BPIFB1: variants seen among roughly 807,000 people sequenced by gnomAD.
BPIFB1 encodes the protein BPI fold containing family B member 1, also known as BPI fold-containing family B member 1.
BPIFB1 carries 34 observed loss-of-function variants against 55.1 expected under a neutral mutation model. The ratio of observed to expected loss-of-function variants is 0.62; its 90% CI spans 0.47 to 0.82. The LOEUF is 0.82. Among genes scored for constraint, BPIFB1 ranks in the 40% least tolerant of loss-of-function variants. The pLI, the probability that BPIFB1 is intolerant of heterozygous loss-of-function variation, is 0.00. For missense variants in BPIFB1, 532 were observed against 593.1 expected, an observed-to-expected ratio of 0.90 and a Z score of 1.07; for synonymous variants, 236 against 245.3, an observed-to-expected ratio of 0.96 and a Z score of 0.35.
intron 3 of BPIFB1, among the ~76,000 whole-genome samples, chr20:33,289,155 T>G (rs1980368019): frequency 6.6e-6 from 1 of 151,818 alleles, no homozygotes; most frequent in African/African-American, 2.4e-5. Flanking sequence ...CCAAGGTGGG[T>G]GGATCACCTG....
At position 33,289,389 on chromosome 20, in the gene BPIFB1, A is replaced by AC. The variant is rs1491496619; in HGVS notation, c.258-496_258-495insC. On this transcript the variant is annotated intron_variant, in intron 3 of 15. Coordinates refer to ENST00000253354, the MANE Select transcript of BPIFB1 (RefSeq NM_033197.3). ...AGAGTGAGATTCTGTCTCAAAAAAA[A>AC]AAAAACAAAAAAAAAAAAACAACCC... Among the ~76,000 whole-genome samples, 27 of 149,332 alleles carry AC rather than the reference A, an allele frequency of 1.8e-4. 1 individual carries two copies. The East Asian group carries it at 2.9e-3, about 16-fold the overall frequency.
chr20:33,296,445 A>G (rs1199188793), intron 6 of BPIFB1, among the ~76,000 whole-genome samples: 4 of 152,210 alleles, frequency 2.6e-5, no homozygotes. Context: ...AATGTCCTCA[A>G]TAATCTTGGA....
chr20:33,288,689 C>A lies in BPIFB1; in HGVS notation c.116-52C>A, dbSNP rs372358506. On this transcript the variant is annotated intron_variant, in intron 2 of 15. Transcript: ENST00000253354. ...TCCCCAGCCTGGAGCTCCCACCAAGCCTTCCTTCTTGCCCCTCCTCCTGGG... is the reference window on the plus strand; with the variant it reads ...TCCCCAGCCTGGAGCTCCCACCAAGACTTCCTTCTTGCCCCTCCTCCTGGG... 6.2e-4 allele frequency: 983 copies of A among 1,592,266 alleles called. 1 individual carries two copies. The highest frequency in any genetic ancestry group is 7.7e-4 in the Non-Finnish European group (897 of 1,167,532).
Position 33,291,034 on chromosome 20 carries a change from G to T in BPIFB1, c.443G>T (p.Ser148Ile). ...ACCATCCGCATGGACACCAGTGCAA[G>T]TGGCCCCACCCGCCTGGTCCTCAGT... ...QATIRMDTSA[S>I]GPTRLVLSDC... Residue 148 changes from serine (S) to isoleucine (I), a missense_variant, in exon 5 of 16, where the codon AGT becomes ATT. Coordinates refer to ENST00000253354, the MANE Select transcript of BPIFB1 (RefSeq NM_033197.3). 1.2e-6 allele frequency: 2 copies of T among 1,613,886 alleles called. No homozygotes were observed. Among genetic ancestry groups the T allele is most frequent in the Non-Finnish European group, 1.7e-6 (2 of 1,180,036 alleles).
In BPIFB1 at chr20:33,309,849, A is replaced by C. The variant is rs1340540417; in HGVS notation, c.*82A>C. 4 of 1,298,244 alleles carry C rather than the reference A, an allele frequency of 3.1e-6. No individual in the cohort carries two copies. In the East Asian group the frequency reaches 9.3e-5, roughly 30 times the overall value. The allele number at this position is 1,298,244 out of a possible 1,614,324, so 80.4% of individuals were successfully genotyped here. On this transcript the variant is annotated 3_prime_UTR_variant, in exon 16 of 16. Coordinates refer to ENST00000253354, the MANE Select transcript of BPIFB1 (RefSeq NM_033197.3). This position sits in a 1 kb window ranked among gnomAD's most constrained non-coding sequence, Gnocchi z 4.4. ...AGCTCTATAGACCATCCCTCTCTGC[A>C]ATCAATAAACACTTGCCTGTGATGC...
At chr20:33,284,255 GT>G (rs1388635162) in intron 1 of BPIFB1, among the ~76,000 whole-genome samples, 1 of 152,208 alleles carries the variant, frequency 6.6e-6, no homozygotes, top group African/African-American at 2.4e-5. Context: ...AGAGCAAGTG[GT>G]AGAGGCAGGC....
intron 10 of BPIFB1, 30 bp downstream of exon 10, chr20:33,302,442 G>A: frequency 6.2e-7 from 1 of 1,613,302 alleles, no homozygotes; most frequent in Non-Finnish European, 8.5e-7. Context: ...GCAGCTTGAG[G>A]GGTGTTTGCT....
chr20:33,299,187 TCCGCTGCCCCGAGGACGGGCCCGG>T (rs774913028), intron 7 of BPIFB1: 2 of 456,592 alleles, frequency 4.4e-6, no homozygotes, highest in South Asian at 3.1e-5. Context: ...AGCTGGCTCC[TCCGCTGCCCCGAGGACGGGCCCGG>T]AGGTCTCCCT....
chr20:33,301,793 G>A (rs890123281), intron 9 of BPIFB1, among the ~76,000 whole-genome samples: 7 of 152,144 alleles, frequency 4.6e-5, no homozygotes, highest in African/African-American at 1.2e-4. Flanking sequence ...ATCACTAATC[G>A]ATCAAGGCTC....
At chr20:33,298,111 C>T (rs773043623) in intron 7 of BPIFB1, among the ~76,000 whole-genome samples, 4 of 152,196 alleles carry the variant, frequency 2.6e-5, no homozygotes, top group South Asian at 2.1e-4. Flanking sequence ...AGCCATCACA[C>T]GCAGCCCCCG....
Position 33,309,826 on chromosome 20 carries a change from C to A in BPIFB1, c.*59C>A. Reference sequence around the variant, plus strand: ...TCCCAGCTGGGAGTATGGGTGTGAGCTCTATAGACCATCCCTCTCTGCAAT... The same window carrying A: ...TCCCAGCTGGGAGTATGGGTGTGAGATCTATAGACCATCCCTCTCTGCAAT... On this transcript the variant is annotated 3_prime_UTR_variant, in exon 16 of 16. Transcript: ENST00000253354. The surrounding 1 kb of genome is among the most constrained non-coding windows in gnomAD (Gnocchi z 4.4). 7.0e-7 allele frequency: 1 copy of A among 1,426,050 alleles called. No homozygotes were observed. Among genetic ancestry groups the A allele is most frequent in the Non-Finnish European group, 9.9e-7 (1 of 1,010,996 alleles). 88.3% of individuals were successfully genotyped at this position (1,426,050 alleles called of 1,614,324 possible). A position where few individuals can be genotyped will look rare whatever the true frequency, so the allele number is the denominator to read the frequency against.
chr20:33,288,394 C>A (rs1277135804), intron 2 of BPIFB1, among the ~76,000 whole-genome samples: 1 of 152,210 alleles, frequency 6.6e-6, no homozygotes, highest in Non-Finnish European at 1.5e-5. Flanking sequence ...GGGTTCCCTG[C>A]CTGTTGGCCC....
chr20:33,294,906 G>A (rs1980585778), intron 6 of BPIFB1, among the ~76,000 whole-genome samples: 1 of 152,140 alleles, frequency 6.6e-6, no homozygotes, highest in African/African-American at 2.4e-5. Flanking sequence ...GTGAGCGTCT[G>A]GTAGGAGCTC....
intron 1 of BPIFB1, among the ~76,000 whole-genome samples, chr20:33,284,221 G>A (rs1274633310): frequency 6.6e-6 from 1 of 152,196 alleles, no homozygotes; most frequent in African/African-American, 2.4e-5. Flanking sequence ...GCTCAGAAAG[G>A]GTAAGTCACT....
At chr20:33,304,180 T>C (rs1463013482) in intron 12 of BPIFB1, among the ~76,000 whole-genome samples, 155 bp downstream of exon 12, 2 of 152,184 alleles carry the variant, frequency 1.3e-5, no homozygotes, top group South Asian at 2.1e-4. Context: ...TGACAAGGAC[T>C]GCATGTGAGG....
chr20:33,291,064 G>A lies in BPIFB1; in HGVS notation c.473G>A (p.Cys158Tyr), dbSNP rs1412774683. 2 of 1,613,316 alleles carry A rather than the reference G, an allele frequency of 1.2e-6. No individual in the cohort carries two copies. Among genetic ancestry groups the A allele is most frequent in the East Asian group, 2.2e-5 (1 of 44,874 alleles). The part of the protein sequence containing the change: ...SGPTRLVLSD[C>Y]ATSHGSLRIQ... The stretch of plus-strand genomic sequence containing the variant: ...CCCACCCGCCTGGTCCTCAGTGACT[G>A]TGCCACCAGCCATGGGAGCCTGCGC... Residue 158 changes from cysteine to tyrosine, a missense_variant, in exon 5 of 16, where the codon TGT becomes TAT. By Grantham distance (194) the Cys-to-Tyr change is radical. Transcript: ENST00000253354.
At chr20:33,306,732 A>T in intron 14 of BPIFB1, 179 bp from the exon 15 acceptor site, 2 of 614,732 alleles carry the variant, frequency 3.3e-6, no homozygotes, top group Admixed American at 5.5e-5. Context: ...GCCAGAGGCA[A>T]AGGGAGGGTA....
chr20:33,297,628 C>G, intron 7 of BPIFB1, 40 bp downstream of exon 7: 1 of 1,608,630 alleles, frequency 6.2e-7, no homozygotes, highest in Non-Finnish European at 8.5e-7. Flanking sequence ...TCCTTTACTA[C>G]GGAGCTGGCC....
At position 33,304,846 on chromosome 20, in the gene BPIFB1, C is replaced by T. The variant is rs941595020; in HGVS notation, c.1209C>T (p.Ser403=). ...CTCTCACAGGCATCTTCCATTGCAGCTCTGATCGGATCCAGCTGATGAACT... is the reference window on the plus strand; with the variant it reads ...CTCTCACAGGCATCTTCCATTGCAGTTCTGATCGGATCCAGCTGATGAACT... ...DQLILNLNNI[S]SDRIQLMNSG... The change falls in exon 13 of 16, where the codon AGC becomes AGT. Residue 403 remains serine, a splice_region_variant and synonymous_variant. Transcript: ENST00000253354. 2 of 1,614,212 alleles carry T rather than the reference C, an allele frequency of 1.2e-6. No homozygotes were observed. The highest frequency in any genetic ancestry group is 1.7e-6 in the Non-Finnish European group (2 of 1,180,040).
Sources: gnomAD v4.1 joint callset for allele counts (sites outside exome capture counted in the v4.1 genomes callset) on GRCh38, gnomAD v4.1.1 for gene constraint, Gnocchi (gnomAD v3.1) non-coding constraint, MANE v1.5 for transcripts, NCBI Gene and HGNC (gene_info 2026-07-23, HGNC 2026-07-21) for gene names.